The following RARB variants were observed in gnomAD, a reference collection of about 807,000 sequenced individuals.
RARB encodes HBV-activated protein.
RARB carries 17 observed loss-of-function variants against 51.9 expected under a neutral mutation model. The ratio of observed to expected loss-of-function variants is 0.33; its 90% CI spans 0.22 to 0.49. The LOEUF is 0.49. Ranked by LOEUF, RARB falls within the 20% of genes least tolerant of loss-of-function variation. RARB has a pLI of 0.99. For missense variants in RARB, 369 were observed against 550.8 expected (o/e 0.67, Z 3.30); for synonymous variants, 215 against 195.4 (o/e 1.10, Z -0.84).
At chr3:25,259,571 T>A (rs1421143500) in intron 5 of RARB, among the ~76,000 whole-genome samples, 1 of 152,146 alleles carries the variant, frequency 6.6e-6, no homozygotes, top group East Asian at 1.9e-4. Context: ...CAGTTCTTCC[T>A]CCCATCTACT....
chr3:25,232,361 T>G lies in RARB; in HGVS notation c.178+57786T>G, dbSNP rs968377834. On this transcript the variant is annotated intron_variant, in intron 5 of 11. Coordinates refer to the RARB transcript ENST00000383772. ...ACTCAGCTTGTTGGCATTTACAACC[T>G]AATTCTGAAAGTCATTGCATTGAAT... Among the ~76,000 whole-genome samples, 26 of 152,270 alleles carry G rather than the reference T, an allele frequency of 1.7e-4. No homozygotes were observed. In the East Asian group the frequency reaches 2.1e-3, roughly 12 times the overall value.
intron 2 of RARB, among the ~76,000 whole-genome samples, chr3:24,932,018 T>C (rs1443941122): frequency 6.6e-6 from 1 of 152,068 alleles, no homozygotes; most frequent in Non-Finnish European, 1.5e-5. Context: ...TCCAACTGAA[T>C]GCCAAGTTCC....
intron 2 of RARB, among the ~76,000 whole-genome samples, chr3:24,890,241 C>T (rs1703351619): frequency 6.6e-6 from 1 of 152,132 alleles, no homozygotes; most frequent in African/African-American, 2.4e-5. Context: ...TGAAATGACT[C>T]ACTCTCCTCT....
chr3:24,900,846 T>G (rs1703589353), intron 2 of RARB, among the ~76,000 whole-genome samples: 1 of 152,178 alleles, frequency 6.6e-6, no homozygotes, highest in African/African-American at 2.4e-5. Flanking sequence ...GTTGGGTGAT[T>G]ATAATAGGAA....
intron 4 of RARB, among the ~76,000 whole-genome samples, chr3:25,144,234 C>T (rs1190697822): frequency 6.6e-6 from 1 of 152,082 alleles, no homozygotes; most frequent in Non-Finnish European, 1.5e-5. Flanking sequence ...TGGCAGGGTA[C>T]TTAAAAACCT....
intron 5 of RARB, among the ~76,000 whole-genome samples, chr3:25,325,138 G>T (rs1052355686): frequency 2.0e-5 from 3 of 152,128 alleles, no homozygotes; most frequent in South Asian, 2.1e-4. Context: ...TGGGAAAGAG[G>T]CAGGCAATTC....
chr3:25,027,980 T>C (rs75773180), intron 2 of RARB, among the ~76,000 whole-genome samples: 79,547 of 151,918 alleles, frequency 0.52, 21,247 homozygotes, highest in East Asian at 0.66. Context: ...ATGGATTTTT[T>C]TTTTCAAACC....
At chr3:24,830,516 G>T (rs1363707522) in intron 1 of RARB, among the ~76,000 whole-genome samples, 2 of 148,914 alleles carry the variant, frequency 1.3e-5, no homozygotes, top group East Asian at 2.0e-4. Flanking sequence ...CCTCCGCCCC[G>T]CCCCCTTCCA....
intron 2 of RARB, among the ~76,000 whole-genome samples, chr3:24,942,980 A>G (rs77435869): frequency 2.0e-4 from 31 of 152,344 alleles, no homozygotes; most frequent in Non-Finnish European, 3.4e-4. Flanking sequence ...GGAAACGTCA[A>G]TATTTGTAAT....
At chr3:24,953,783 GC>G (rs1332035165) in intron 2 of RARB, among the ~76,000 whole-genome samples, 2 of 152,018 alleles carry the variant, frequency 1.3e-5, no homozygotes, top group Non-Finnish European at 2.9e-5. Context: ...CTCTTCCAAA[GC>G]TTTTTCTTAT....
intron 2 of RARB, among the ~76,000 whole-genome samples, chr3:24,907,589 G>C (rs368669185): frequency 1.3e-5 from 2 of 152,180 alleles, no homozygotes; most frequent in African/African-American, 4.8e-5. Context: ...AGTATGGTTA[G>C]TATGACTGTT....
chr3:24,978,222 T>A (rs1367302627), intron 2 of RARB, among the ~76,000 whole-genome samples: 2 of 152,174 alleles, frequency 1.3e-5, no homozygotes, highest in East Asian at 3.9e-4. Flanking sequence ...TTTTTTTTGT[T>A]GTTGTGTCTC....
chr3:25,002,038 T>C (rs1259406131), intron 2 of RARB, among the ~76,000 whole-genome samples: 1 of 152,124 alleles, frequency 6.6e-6, no homozygotes, highest in East Asian at 1.9e-4. Context: ...CCCAGAGTGC[T>C]GGGATTACAG....
intron 1 of RARB, among the ~76,000 whole-genome samples, chr3:25,452,209 G>A (rs1484850702): frequency 6.6e-6 from 1 of 152,216 alleles, no homozygotes; most frequent in African/African-American, 2.4e-5. Context: ...AGAAAATAGT[G>A]ATAGAAAACG....
intron 5 of RARB, among the ~76,000 whole-genome samples, chr3:25,281,819 C>T (rs1031722768): frequency 2.0e-5 from 3 of 152,172 alleles, no homozygotes; most frequent in Admixed American, 1.3e-4. Flanking sequence ...TCTTTATCCC[C>T]CGACATATCC....
chr3:25,408,495 A>G lies in RARB; in HGVS notation c.179-52698A>G, dbSNP rs368849885. On this transcript the variant is annotated intron_variant, in intron 5 of 11. Transcript: ENST00000383772. The stretch of plus-strand genomic sequence containing the variant: ...GGGGGAAATCCACCCCTATAATCCA[A>G]TTACCTCCTACCAGGCCCCTCCTCT... Among the ~76,000 whole-genome samples, 125 of 152,118 alleles carry G rather than the reference A, an allele frequency of 8.2e-4. No homozygotes were observed. The South Asian group carries it at 0.012, about 15-fold the overall frequency.
At chr3:25,119,092 T>C (rs1328152977) in intron 3 of RARB, among the ~76,000 whole-genome samples, 1 of 152,190 alleles carries the variant, frequency 6.6e-6, no homozygotes, top group Non-Finnish European at 1.5e-5. Flanking sequence ...TAAATCTTTA[T>C]TATTTTTTCA....
At chr3:25,179,296 G>C (rs932217188) in intron 5 of RARB, among the ~76,000 whole-genome samples, 4 of 152,182 alleles carry the variant, frequency 2.6e-5, no homozygotes, top group Non-Finnish European at 5.9e-5. Flanking sequence ...CAGAGGTGTG[G>C]ATCCTGTTTT....
chr3:25,562,466 C>A (rs1700312698), intron 3 of RARB, among the ~76,000 whole-genome samples: 1 of 152,126 alleles, frequency 6.6e-6, no homozygotes, highest in South Asian at 2.1e-4. Context: ...CCTCTTTGGA[C>A]AGGATTTAGG....
Sources: gnomAD v4.1 joint callset for allele counts (sites outside exome capture counted in the v4.1 genomes callset) on GRCh38, gnomAD v4.1.1 for gene constraint, MANE v1.5 for transcripts, NCBI Gene and HGNC (gene_info 2026-07-23, HGNC 2026-07-21) for gene names.